TYW1B: variants seen among roughly 807,000 people sequenced by gnomAD.
The protein encoded by TYW1B is S-adenosyl-L-methionine-dependent tRNA 4-demethylwyosine synthase TYW1B.
A neutral mutation model predicts 86.9 loss-of-function variants in TYW1B; 73 were observed. That is an observed-to-expected ratio of 0.84 (90% CI 0.70 to 1.02). The LOEUF is 1.02. Ranked by LOEUF, TYW1B falls within the 50% of genes least tolerant of loss-of-function variation. TYW1B has a pLI of 0.00. For synonymous variants in TYW1B, 248 were observed against 292.8 expected, an observed-to-expected ratio of 0.85 and a Z score of 1.56; for missense variants, 637 against 827.4, an observed-to-expected ratio of 0.77 and a Z score of 2.82.
chr7:72,777,603 C>T (rs1585976505), intron 6 of TYW1B, 70 bp from the exon 7 acceptor site: 3 of 1,560,076 alleles, frequency 1.9e-6, no homozygotes, highest in East Asian at 2.3e-5. Flanking sequence ...CAATCATGAA[C>T]ACCTAGCATC....
intron 10 of TYW1B, among the ~76,000 whole-genome samples, chr7:72,711,473 CTTTTT>C (rs59438928): frequency 3.0e-4 from 17 of 56,966 alleles, no homozygotes; most frequent in African/African-American, 1.1e-3. Flanking sequence ...CTCTTTAATT[CTTTTT>C]TTTTTTTTTT....
intron 5 of TYW1B, among the ~76,000 whole-genome samples, chr7:72,803,767 T>C (rs1172849796): frequency 1.3e-5 from 2 of 151,550 alleles, no homozygotes; most frequent in African/African-American, 4.8e-5. Context: ...GCATGCACCA[T>C]CACACCCGGC....
At chr7:72,736,353 G>T (rs1437061850) in intron 8 of TYW1B, among the ~76,000 whole-genome samples, 1 of 152,158 alleles carries the variant, frequency 6.6e-6, no homozygotes, top group African/African-American at 2.4e-5. Context: ...AGCATGCCAG[G>T]GCAAATATTT....
intron 12 of TYW1B, among the ~76,000 whole-genome samples, chr7:72,620,419 AAAC>A (rs1360886071): frequency 2.6e-5 from 4 of 152,158 alleles, no homozygotes; most frequent in African/African-American, 4.8e-5. Context: ...AACAAAAACC[AAAC>A]AACAACAACA....
intron 12 of TYW1B, among the ~76,000 whole-genome samples, chr7:72,621,597 A>T (rs1275966397): frequency 6.6e-6 from 1 of 152,216 alleles, no homozygotes; most frequent in African/African-American, 2.4e-5. Context: ...CCCTGATCTT[A>T]TCATATCCTG....
intron 11 of TYW1B, among the ~76,000 whole-genome samples, chr7:72,694,034 C>T (rs1420178948): frequency 2.6e-5 from 4 of 152,112 alleles, no homozygotes; most frequent in African/African-American, 4.8e-5. Flanking sequence ...GATCTTGGCT[C>T]ACTGCGGCCT....
At chr7:72,613,398 CTTCTTTTTTTTTTTT>C (rs1453443113) in intron 13 of TYW1B, among the ~76,000 whole-genome samples, 2 of 126,760 alleles carry the variant, frequency 1.6e-5, no homozygotes, top group Non-Finnish European at 3.3e-5. Flanking sequence ...TACTTTATAT[CTTCTTTTTTTTTTTT>C]TTTTTTTTTT....
At chr7:72,656,166 A>T (rs1446933100) in intron 11 of TYW1B, among the ~76,000 whole-genome samples, 1 of 152,122 alleles carries the variant, frequency 6.6e-6, no homozygotes, top group African/African-American at 2.4e-5. Context: ...CTCCACTAAC[A>T]ACCACAGCCT....
intron 9 of TYW1B, among the ~76,000 whole-genome samples, chr7:72,715,126 G>C (rs1163681372): frequency 1.3e-5 from 2 of 151,972 alleles, no homozygotes; most frequent in African/African-American, 4.8e-5. Flanking sequence ...CCACAATCCA[G>C]GCCACAGCTC....
At chr7:72,706,567 T>C (rs1401415392) in intron 10 of TYW1B, among the ~76,000 whole-genome samples, 5 of 152,230 alleles carry the variant, frequency 3.3e-5, no homozygotes, top group African/African-American at 1.2e-4. Flanking sequence ...TCCATTGTTC[T>C]GGGACTATGT....
chr7:72,680,872 GCTAGA>G (rs1331991781), intron 11 of TYW1B, among the ~76,000 whole-genome samples: 4 of 152,096 alleles, frequency 2.6e-5, no homozygotes, highest in Non-Finnish European at 5.9e-5. Context: ...TATTTCTTAA[GCTAGA>G]CTATAGTTAC....
chr7:72,754,867 GA>G (rs1314406800), intron 7 of TYW1B, among the ~76,000 whole-genome samples: 1 of 152,064 alleles, frequency 6.6e-6, no homozygotes, highest in Non-Finnish European at 1.5e-5. Context: ...TAATATAAAG[GA>G]CTTCCCTTTT....
chr7:72,711,530 C>T (rs544219967), intron 10 of TYW1B, among the ~76,000 whole-genome samples: 4 of 111,970 alleles, frequency 3.6e-5, no homozygotes, highest in South Asian at 3.2e-4. Flanking sequence ...GGTGCAGTGG[C>T]GTGATCTTGG....
intron 13 of TYW1B, among the ~76,000 whole-genome samples, chr7:72,613,467 G>A (rs1240235453): frequency 3.1e-5 from 4 of 128,990 alleles, no homozygotes; most frequent in Non-Finnish European, 4.6e-5. Flanking sequence ...GAGTGCAGTC[G>A]TCCAGGCTTG....
intron 7 of TYW1B, among the ~76,000 whole-genome samples, chr7:72,777,069 C>G (rs1787968343): frequency 6.6e-6 from 1 of 152,104 alleles, no homozygotes. Flanking sequence ...GGTAAGACCA[C>G]AAAAATCCAG....
At chr7:72,578,855 T>C (rs1811084157) in intron 13 of TYW1B, among the ~76,000 whole-genome samples, 1 of 152,196 alleles carries the variant, frequency 6.6e-6, no homozygotes, top group Admixed American at 6.5e-5. Flanking sequence ...CCAGTGTTGC[T>C]TGCTGAAAGA....
At chr7:72,823,072 A>G (rs1212672226) in intron 2 of TYW1B, 2 of 151,522 alleles carry the variant, frequency 1.3e-5, no homozygotes, top group East Asian at 3.9e-4. Flanking sequence ...CAGTGGTGCA[A>G]TCTAGGCTCA....
In TYW1B at chr7:72,773,549, G is replaced by A. The variant is rs1205853133; in HGVS notation, c.964+3867C>T. 5.3e-5 allele frequency among the ~76,000 whole-genome samples: 8 copies of A among 152,276 alleles called. No individual in the cohort carries two copies. The East Asian group carries it at 1.4e-3, about 26-fold the overall frequency. The stretch of plus-strand genomic sequence containing the variant: ...TTTGGAAAATGCAACAGAGCCTGGG[G>A]AGACAAAGGTGGCTACAGTTTGCAG... On this transcript the variant is annotated intron_variant, in intron 7 of 13. Coordinates refer to ENST00000620995, the MANE Select transcript of TYW1B (RefSeq NM_001145440.3).
At chr7:72,775,778 G>C (rs190793218) in intron 7 of TYW1B, among the ~76,000 whole-genome samples, 12 of 151,568 alleles carry the variant, frequency 7.9e-5, no homozygotes, top group East Asian at 1.9e-4. Flanking sequence ...GATGGAAAAG[G>C]ATACCAGACG....
Sources: allele counts gnomAD v4.1 joint callset (sites outside exome capture counted in the v4.1 genomes callset), GRCh38; gene constraint gnomAD v4.1.1; transcripts MANE v1.5; gene names NCBI Gene and HGNC (gene_info 2026-07-23, HGNC 2026-07-21).